Variants in PIK3C2G observed in about 807,000 individuals in gnomAD.
The protein encoded by PIK3C2G is phosphatidylinositol 3-kinase C2 domain-containing subunit gamma.
Under a neutral mutation model 181.1 loss-of-function variants are expected in PIK3C2G, and 168 were observed. The observed-to-expected ratio is 0.93, with a 90% CI of 0.82 to 1.05. PIK3C2G has a LOEUF of 1.05. Ranked by LOEUF, PIK3C2G falls within the 50% of genes least tolerant of loss-of-function variation. The probability of loss-of-function intolerance (pLI) is 0.00; values close to 1 mark genes in which losing one functional copy is unlikely to be tolerated. For synonymous variants in PIK3C2G, 573 were observed against 592.2 expected, an observed-to-expected ratio of 0.97 and a Z score of 0.47; for missense variants, 1,869 against 1,732.8, an observed-to-expected ratio of 1.08 and a Z score of -1.40.
At chr12:18,606,608 A>C (rs1369734320) in intron 30 of PIK3C2G, among the ~76,000 whole-genome samples, 1 of 152,100 alleles carries the variant, frequency 6.6e-6, no homozygotes, top group Non-Finnish European at 1.5e-5. Flanking sequence ...ACAATGTATA[A>C]ATTATTCAAA....
chr12:18,499,175 G>A lies in PIK3C2G; in HGVS notation c.3016+1427G>A, dbSNP rs118032734. Among the ~76,000 whole-genome samples the A allele has an allele frequency of 6.0e-3, 913 of 152,236 alleles. 2 individuals are homozygous for A. The highest frequency in any genetic ancestry group is 0.011 in the Non-Finnish European group (718 of 68,020). ...AGACTTATCCAAAGTTGTAGATGTC[G>A]CAAGACAAAAGTTATTTTTCTTCTC... On this transcript the variant is annotated intron_variant, in intron 22 of 32. Transcript: ENST00000538779.
chr12:18,335,130 A>G (rs12580062), intron 8 of PIK3C2G, among the ~76,000 whole-genome samples: 38,055 of 151,994 alleles, frequency 0.25, 5,073 homozygotes, highest in South Asian at 0.4. Context: ...TCTGATCAGT[A>G]GGCATAGTTT....
chr12:18,411,484 A>G (rs1212311261), intron 16 of PIK3C2G, among the ~76,000 whole-genome samples: 1 of 114,874 alleles, frequency 8.7e-6, no homozygotes, highest in African/African-American at 3.9e-5. Context: ...ATTTACAATC[A>G]TCTTAAAAAA....
intron 24 of PIK3C2G, among the ~76,000 whole-genome samples, chr12:18,530,760 T>C (rs1592505325): frequency 6.6e-6 from 1 of 152,078 alleles, no homozygotes; most frequent in East Asian, 1.9e-4. Context: ...TAAAAATGTG[T>C]AGCACTTCCC....
chr12:18,717,792 A>G, the PIK3C2G span, among the ~76,000 whole-genome samples: 34 of 152,272 alleles, frequency 2.2e-4, no homozygotes, highest in South Asian at 2.3e-3. Flanking sequence ...TATACCTCCT[A>G]AAATTACATG....
At chr12:18,360,384 T>G (rs1321197914) in intron 11 of PIK3C2G, among the ~76,000 whole-genome samples, 1 of 152,306 alleles carries the variant, frequency 6.6e-6, no homozygotes, top group East Asian at 1.9e-4. Context: ...TTTTAAATGC[T>G]ACACCAGAGT....
At chr12:18,486,320 T>C (rs1215118447) in intron 18 of PIK3C2G, among the ~76,000 whole-genome samples, 2 of 152,162 alleles carry the variant, frequency 1.3e-5, no homozygotes, top group South Asian at 2.1e-4. Context: ...TTTTAGGATA[T>C]AGTCACATGT....
At chr12:18,321,532 A>G (rs1419133588) in intron 7 of PIK3C2G, among the ~76,000 whole-genome samples, 1 of 152,250 alleles carries the variant, frequency 6.6e-6, no homozygotes, top group African/African-American at 2.4e-5. Flanking sequence ...ATTTGGAAGA[A>G]CAGACTTATT....
At chr12:18,364,768 C>A (rs1374756915) in intron 12 of PIK3C2G, among the ~76,000 whole-genome samples, 2 of 151,934 alleles carry the variant, frequency 1.3e-5, no homozygotes, top group African/African-American at 4.8e-5. Flanking sequence ...CATGGTGGCT[C>A]ACACTTGTAA....
intron 11 of PIK3C2G, among the ~76,000 whole-genome samples, chr12:18,347,822 A>C (rs1939819516): frequency 6.6e-6 from 1 of 152,078 alleles, no homozygotes. Flanking sequence ...TGTCTCAAAA[A>C]AAAAGAAAAA....
At chr12:18,531,416 T>C (rs78162365) in intron 24 of PIK3C2G, among the ~76,000 whole-genome samples, 1,832 of 152,312 alleles carry the variant, frequency 0.012, 34 homozygotes, top group African/African-American at 0.042. Context: ...TCTTACAGAA[T>C]TACAGTACAG....
intron 13 of PIK3C2G, among the ~76,000 whole-genome samples, chr12:18,380,318 C>T (rs1942752984): frequency 6.6e-6 from 1 of 152,148 alleles, no homozygotes; most frequent in African/African-American, 2.4e-5. Flanking sequence ...CCCTCCTCAC[C>T]TCTGTTGACT....
chr12:18,650,641 T>A (rs73056315), downstream of PIK3C2G, among the ~76,000 whole-genome samples: 23,822 of 138,434 alleles, frequency 0.17, 2,785 homozygotes, highest in African/African-American at 0.3. Flanking sequence ...GAAATACCTA[T>A]TATTTACATA....
In PIK3C2G at chr12:18,523,675, G is replaced by A. The variant is rs1045341323; in HGVS notation, c.3324-14481G>A. ...CTGGGAAAGACTTAATGCAAGCATTGAAATTAGTTGGATCACCTCTTCATG... is the reference window on the plus strand; with the variant it reads ...CTGGGAAAGACTTAATGCAAGCATTAAAATTAGTTGGATCACCTCTTCATG... On this transcript the variant is annotated intron_variant, in intron 24 of 32. Transcript: ENST00000538779. 3.9e-5 allele frequency among the ~76,000 whole-genome samples: 6 copies of A among 152,328 alleles called. No individual in the cohort carries two copies. In the South Asian group the frequency reaches 6.2e-4, roughly 16 times the overall value.
the PIK3C2G span, among the ~76,000 whole-genome samples, chr12:18,722,877 T>A: frequency 6.6e-6 from 1 of 152,050 alleles, no homozygotes; most frequent in Non-Finnish European, 1.5e-5. Context: ...TCTTAGAATT[T>A]TTTTTCATTT....
Position 18,534,262 on chromosome 12 carries a change from T to C in PIK3C2G, c.3324-3894T>C, listed in dbSNP as rs570691574. On this transcript the variant is annotated intron_variant, in intron 24 of 32. Transcript: ENST00000538779. ...ACCATGCCCAGCCTCTTGCTATTTC[T>C]TACATCAAGTGAATTTATTTGTCTG... Among the ~76,000 whole-genome samples the C allele has an allele frequency of 3.9e-5, 6 of 152,190 alleles. No individual in the cohort carries two copies. In the East Asian group the frequency reaches 1.2e-3, roughly 30 times the overall value.
intron 1 of PIK3C2G, among the ~76,000 whole-genome samples, chr12:18,273,888 T>A (rs1409240317): frequency 6.6e-6 from 1 of 151,728 alleles, no homozygotes; most frequent in African/African-American, 2.4e-5. Flanking sequence ...TGGGAGAAAA[T>A]TTTTGTAACC....
In PIK3C2G at chr12:18,503,393, C is replaced by G. The variant is rs754323418; in HGVS notation, c.3129C>G (p.Asn1043Lys). 4 of 1,608,878 alleles carry G rather than the reference C, an allele frequency of 2.5e-6. No homozygotes were observed. The Admixed American group carries it at 6.7e-5, about 27-fold the overall frequency. Residue 1043 changes from asparagine (N) to lysine (K), a missense_variant, in exon 23 of 33, where the codon AAC becomes AAG. Physicochemically the swap from Asn to Lys is moderately conservative, Grantham distance 94 (BLOSUM62 0). Transcript: ENST00000538779. ...TTAAAAAGTGGTTCAGTCAGCACAA[C>G]CACTTAAAGGCAGATTATGAAAAGG... ...NTIKKWFSQH[N>K]HLKADYEKAL...
intron 15 of PIK3C2G, among the ~76,000 whole-genome samples, chr12:18,395,287 T>C (rs1241136067): frequency 6.6e-6 from 1 of 150,790 alleles, no homozygotes; most frequent in African/African-American, 2.4e-5. Flanking sequence ...ATTAATATTA[T>C]GATGTTCTAT....
Sources: gnomAD v4.1 joint callset for allele counts (sites outside exome capture counted in the v4.1 genomes callset) on GRCh38, gnomAD v4.1.1 for gene constraint, MANE v1.5 for transcripts, NCBI Gene and HGNC (gene_info 2026-07-23, HGNC 2026-07-21) for gene names.